Variants in LSM11 observed in about 807,000 individuals in gnomAD.
The protein encoded by LSM11 is LSM11, U7 small nuclear RNA associated.
LSM11 carries 14 observed loss-of-function variants against 28.1 expected under a neutral mutation model. The ratio of observed to expected loss-of-function variants is 0.50; its 90% CI spans 0.33 to 0.78. The LOEUF (loss-of-function observed/expected upper bound fraction) is 0.78, where lower values mean the gene tolerates loss of function less well. Among genes scored for constraint, LSM11 ranks in the 30% least tolerant of loss-of-function variants. The pLI is 0.02. For synonymous variants in LSM11, 207 were observed against 214.2 expected, an observed-to-expected ratio of 0.97 and a Z score of 0.30; for missense variants, 495 against 510.6, an observed-to-expected ratio of 0.97 and a Z score of 0.30.
At chr5:157,745,480 G>A (rs1335010410) in intron 1 of LSM11, among the ~76,000 whole-genome samples, 6 of 152,246 alleles carry the variant, frequency 3.9e-5, no homozygotes, top group Admixed American at 6.5e-5. Flanking sequence ...AATGAGAGCA[G>A]TTTGGGGGAC....
At chr5:157,754,431 T>C (rs894260823) in intron 3 of LSM11, among the ~76,000 whole-genome samples, 2 of 152,146 alleles carry the variant, frequency 1.3e-5, no homozygotes, top group South Asian at 2.1e-4. Context: ...TGGTGGCTCA[T>C]GCCTGTAATC....
In LSM11 at chr5:157,744,097, T is replaced by C; in HGVS notation, c.347T>C (p.Leu116Pro). The C allele has an allele frequency of 6.7e-7, 1 of 1,486,810 alleles. No homozygotes were observed. Among genetic ancestry groups the C allele is most frequent in the Non-Finnish European group, 8.9e-7 (1 of 1,124,138 alleles). The allele number at this position is 1,486,810 out of a possible 1,614,324, so 92.1% of individuals were successfully genotyped here. A position where few individuals can be genotyped will look rare whatever the true frequency, so the allele number is the denominator to read the frequency against. Reference protein sequence around the residue: ...DPERIQRLRRLMVAKEEGDGA... With the variant: ...DPERIQRLRRPMVAKEEGDGA... ...GAGCGCATCCAGCGCCTCCGCCGTC[T>C]CATGGTGGCCAAAGAGGAAGGGGAC... The change falls in exon 1 of 4, where the codon CTC becomes CCC. Residue 116 changes from leucine to proline, a missense_variant. Transcript: ENST00000286307.
rs984882607 is a variant in LSM11, at chr5:157,756,161, G to A, written c.*897G>A. On this transcript the variant is annotated 3_prime_UTR_variant, in exon 4 of 4. Coordinates refer to ENST00000286307, the MANE Select transcript of LSM11 (RefSeq NM_173491.4). ...ATGAACTCGGTAATACACATCACAC[G>A]GCTGAGAGTCCCCTTTCCAGGCAGG... The A allele has an allele frequency of 2.6e-5, 4 of 154,506 alleles. No homozygotes were observed. The highest frequency in any genetic ancestry group is 1.9e-4 in the East Asian group (1 of 5,276). 9.6% of individuals were successfully genotyped at this position (154,506 alleles called of 1,614,324 possible). A position where few individuals can be genotyped will look rare whatever the true frequency, so the allele number is the denominator to read the frequency against.
chr5:157,757,358 C>T lies in LSM11; in HGVS notation c.*2094C>T, dbSNP rs1761344037. 6.6e-6 allele frequency: 1 copy of T among 151,984 alleles called. No homozygotes were observed. The highest frequency in any genetic ancestry group is 1.9e-4 in the East Asian group (1 of 5,190). The allele number at this position is 151,984 out of a possible 1,614,324, so 9.4% of individuals were successfully genotyped here. A position where few individuals can be genotyped will look rare whatever the true frequency, so the allele number is the denominator to read the frequency against. On this transcript the variant is annotated 3_prime_UTR_variant, in exon 4 of 4. Coordinates refer to ENST00000286307, the MANE Select transcript of LSM11 (RefSeq NM_173491.4). Reference sequence around the variant, plus strand: ...TTTTTTTTGCTGCTCCCGCTATATCCCAGGCCTCACCCTTTTCTGATCATT... The same window carrying T: ...TTTTTTTTGCTGCTCCCGCTATATCTCAGGCCTCACCCTTTTCTGATCATT...
Position 157,755,972 on chromosome 5 carries a change from C to CT in LSM11, c.*709dup. On this transcript the variant is annotated 3_prime_UTR_variant, in exon 4 of 4. Transcript: ENST00000286307. ...TGCAAATGGCATACCAGATGGGACT[C>CT]TAAGATGCTTGTGTGGTGGCTTCTT... 3.0e-6 allele frequency: 1 copy of CT among 338,226 alleles called. No homozygotes were observed. Among genetic ancestry groups the CT allele is most frequent in the East Asian group, 4.4e-5 (1 of 22,660 alleles). The allele number at this position is 338,226 out of a possible 1,614,324, so 21.0% of individuals were successfully genotyped here. A position where few individuals can be genotyped will look rare whatever the true frequency, so the allele number is the denominator to read the frequency against.
rs544399980 is a variant in LSM11 at position 157,744,464 on chromosome 5, A to G, written c.448+266A>G. 1.2e-3 allele frequency among the ~76,000 whole-genome samples: 177 copies of G among 152,240 alleles called. 2 individuals are homozygous for G. The highest frequency in any genetic ancestry group is 4.1e-3 in the African/African-American group (172 of 41,538). ...GAGTGGTAAGGCTGTAGTGGTCATAAGAAGCCGTGGGAAAGGTCTTCAGCG... is the reference window on the plus strand; with the variant it reads ...GAGTGGTAAGGCTGTAGTGGTCATAGGAAGCCGTGGGAAAGGTCTTCAGCG... On this transcript the variant is annotated intron_variant, in intron 1 of 3. Transcript: ENST00000286307.
chr5:157,754,196 T>C (rs555487666), intron 3 of LSM11, 109 bp downstream of exon 3: 64 of 676,028 alleles, frequency 9.5e-5, no homozygotes, highest in Non-Finnish European at 1.5e-4. Context: ...TCTCTGTTGC[T>C]ATAAACCAGC....
chr5:157,749,586 G>GCACACA (rs1291962623), intron 1 of LSM11, among the ~76,000 whole-genome samples: 3,599 of 149,684 alleles, frequency 0.024, 73 homozygotes, highest in Middle Eastern at 0.045. Flanking sequence ...GCGCGCACGC[G>GCACACA]CGCACACACA....
chr5:157,744,028 C>G lies in LSM11; in HGVS notation c.278C>G (p.Ser93Trp), dbSNP rs1395045585. Residue 93 changes from serine to tryptophan, a missense_variant, in exon 1 of 4, where the codon TCG (serine) becomes TGG (tryptophan). Coordinates refer to ENST00000286307, the MANE Select transcript of LSM11 (RefSeq NM_173491.4). ...GGGGTTCCCGCCGCACCCGGGCCCT[C>G]GGGCAGGACTCGTCGCCGCCCGGAC... The part of the protein sequence containing the change: ...GSGVPAAPGP[S>W]GRTRRRPDAP... 3 of 1,372,250 alleles carry G rather than the reference C, an allele frequency of 2.2e-6. No individual in the cohort carries two copies. Among genetic ancestry groups the G allele is most frequent in the Non-Finnish European group, 2.8e-6 (3 of 1,059,592 alleles). The allele number at this position is 1,372,250 out of a possible 1,614,324, so 85.0% of individuals were successfully genotyped here.
chr5:157,750,877 G>A (rs1761220628), intron 1 of LSM11, among the ~76,000 whole-genome samples: 1 of 152,110 alleles, frequency 6.6e-6, no homozygotes, highest in African/African-American at 2.4e-5. Context: ...CACCTCCTGG[G>A]TTCAAGCCAT....
rs561927830 is a variant in LSM11 at position 157,747,335 on chromosome 5, T to G, written c.448+3137T>G. On this transcript the variant is annotated intron_variant, in intron 1 of 3. Coordinates refer to ENST00000286307, the MANE Select transcript of LSM11 (RefSeq NM_173491.4). The stretch of plus-strand genomic sequence containing the variant: ...TGTAAGAAAAAGTGTTATCATTACT[T>G]TGTTTTAGCTACAGGTGTGTTGGTG... 1.6e-4 allele frequency among the ~76,000 whole-genome samples: 25 copies of G among 152,320 alleles called. No homozygotes were observed. The South Asian group carries it at 5.2e-3, about 32-fold the overall frequency.
rs1761100441 is a variant in LSM11 at position 157,743,811 on chromosome 5, A to C, written c.61A>C (p.Ser21Arg). ...AGAGSPARPP[S>R]PRLDVSSDSF... ...CGCCGGGAGCCCCGCGCGCCCGCCC[A>C]GCCCGCGGCTGGATGTCAGCTCTGA... is the stretch of plus-strand genomic sequence containing the variant. The change falls in exon 1 of 4, where the codon AGC becomes CGC. Residue 21 changes from serine (S) to arginine (R), a missense_variant. Transcript: ENST00000286307. 1.3e-6 allele frequency: 2 copies of C among 1,502,052 alleles called. No homozygotes were observed. Among genetic ancestry groups the C allele is most frequent in the Non-Finnish European group, 1.8e-6 (2 of 1,130,206 alleles). The allele number at this position is 1,502,052 out of a possible 1,614,324, so 93.0% of individuals were successfully genotyped here. A position where few individuals can be genotyped will look rare whatever the true frequency, so the allele number is the denominator to read the frequency against.
In LSM11 at chr5:157,754,000, C is replaced by T; in HGVS notation, c.589-4C>T. ...ATGTTTTTCCTTTTGGGCTGTTCCT[C>T]TAGGCACTTACTGATGTGGATGAGA... On this transcript the variant is annotated splice_polypyrimidine_tract_variant and splice_region_variant and intron_variant, in intron 2 of 3. Coordinates refer to ENST00000286307, the MANE Select transcript of LSM11 (RefSeq NM_173491.4). 6.5e-7 allele frequency: 1 copy of T among 1,527,048 alleles called. No individual in the cohort carries two copies. The highest frequency in any genetic ancestry group is 8.8e-7 in the Non-Finnish European group (1 of 1,139,588). The allele number at this position is 1,527,048 out of a possible 1,614,324, so 94.6% of individuals were successfully genotyped here.
At chr5:157,749,586 G>GCACACACACA (rs1291962623) in intron 1 of LSM11, among the ~76,000 whole-genome samples, 2 of 149,592 alleles carry the variant, frequency 1.3e-5, no homozygotes, top group Admixed American at 6.6e-5. Flanking sequence ...GCGCGCACGC[G>GCACACACACA]CGCACACACA....
At chr5:157,746,194 A>G (rs1761144823) in intron 1 of LSM11, among the ~76,000 whole-genome samples, 1 of 152,230 alleles carries the variant, frequency 6.6e-6, no homozygotes, top group Non-Finnish European at 1.5e-5. Context: ...GAAAATCAAA[A>G]TATAGATACC....
In LSM11 at chr5:157,744,083, G is replaced by A; in HGVS notation, c.333G>A (p.Gln111=). The A allele has an allele frequency of 6.7e-7, 1 of 1,483,618 alleles. No homozygotes were observed. Among genetic ancestry groups the A allele is most frequent in the South Asian group, 1.3e-5 (1 of 78,726 alleles). 91.9% of individuals were successfully genotyped at this position (1,483,618 alleles called of 1,614,324 possible). The change falls in exon 1 of 4, where the codon CAG becomes CAA. Residue 111 remains glutamine (Q), a synonymous_variant. Transcript: ENST00000286307. ...CCGCCCCGGACCCCGAGCGCATCCA[G>A]CGCCTCCGCCGTCTCATGGTGGCCA... ...DAPAPDPERI[Q]RLRRLMVAKE...
intron 1 of LSM11, among the ~76,000 whole-genome samples, chr5:157,748,386 C>A (rs940103567): frequency 6.6e-6 from 1 of 152,092 alleles, no homozygotes; most frequent in Admixed American, 6.5e-5. Flanking sequence ...GAATGCCAGT[C>A]CACCATGTTG....
Position 157,749,736 on chromosome 5 carries a change from G to A in LSM11, c.449-1654G>A, listed in dbSNP as rs144600280. 1.3e-4 allele frequency among the ~76,000 whole-genome samples: 20 copies of A among 152,220 alleles called. No individual in the cohort carries two copies. In the Middle Eastern group the frequency reaches 0.01, roughly 78 times the overall value. On this transcript the variant is annotated intron_variant, in intron 1 of 3. Coordinates refer to ENST00000286307, the MANE Select transcript of LSM11 (RefSeq NM_173491.4). ...TTTTCCAAAGTCACTGCTTCGTGTC[G>A]CTTCCAACTCCGAGTTATTCTCACA...
At position 157,745,823 on chromosome 5, in the gene LSM11, A is replaced by G. The variant is rs963151568; in HGVS notation, c.448+1625A>G. Among the ~76,000 whole-genome samples the G allele has an allele frequency of 7.2e-5, 11 of 152,328 alleles. 1 individual carries two copies. Among genetic ancestry groups the G allele is most frequent in the Admixed American group, 7.2e-4 (11 of 15,296 alleles). On this transcript the variant is annotated intron_variant, in intron 1 of 3. Coordinates refer to ENST00000286307, the MANE Select transcript of LSM11 (RefSeq NM_173491.4). ...AGTTGAGTGTACATGAGAGAAAGGCATTGACGTCGCACAGAGTTGATGACC... is the reference window on the plus strand; with the variant it reads ...AGTTGAGTGTACATGAGAGAAAGGCGTTGACGTCGCACAGAGTTGATGACC...
Sources: gnomAD v4.1 joint callset for allele counts (sites outside exome capture counted in the v4.1 genomes callset) on GRCh38, gnomAD v4.1.1 for gene constraint, MANE v1.5 for transcripts, NCBI Gene and HGNC (gene_info 2026-07-23, HGNC 2026-07-21) for gene names.